Variants in HSPG2 observed in about 807,000 individuals in gnomAD.
HSPG2 encodes the protein basement membrane-specific heparan sulfate proteoglycan core protein.
HSPG2 carries 278 observed loss-of-function variants against 526.6 expected under a neutral mutation model. The observed-to-expected ratio is 0.53, with a 90% CI of 0.48 to 0.58. The LOEUF is 0.58. HSPG2 is among the 20% of genes least tolerant of loss of function. The pLI is 0.00. For missense variants in HSPG2, 5,354 were observed against 6,099.5 expected (o/e 0.88, Z 4.07); for synonymous variants, 2,465 against 2,555.4 (o/e 0.96, Z 1.07).
chr1:21,878,765 G>A, intron 18 of HSPG2, 102 bp from the exon 19 acceptor site: 3 of 1,262,908 alleles, frequency 2.4e-6, no homozygotes, highest in East Asian at 2.3e-5. Context: ...AGTGTGCCAC[G>A]AGGCATGACG....
chr1:21,826,651 A>G (rs981245305), intron 91 of HSPG2, among the ~76,000 whole-genome samples: 1 of 152,038 alleles, frequency 6.6e-6, no homozygotes, highest in Non-Finnish European at 1.5e-5. Flanking sequence ...CTGGGATTAT[A>G]GGCATGTGCC....
At position 21,846,142 on chromosome 1, in the gene HSPG2, G is replaced by A; in HGVS notation, c.8430C>T (p.Ile2810=). 1 of 1,613,094 alleles carries A rather than the reference G, an allele frequency of 6.2e-7. No homozygotes were observed. Among genetic ancestry groups the A allele is most frequent in the Non-Finnish European group, 8.5e-7 (1 of 1,180,040 alleles). ...GGACAGCACTTGAGCCAGAGGCTTC[G>A]ATGGTGACCAGGACTGAGGCCTCCA... is the stretch of plus-strand genomic sequence containing the variant. ...GPLEASVLVT[I]EASGSSAVHV... The change falls in exon 64 of 97, where the codon ATC becomes ATT. Residue 2810 remains isoleucine, a synonymous_variant. Coordinates refer to ENST00000374695, the MANE Select transcript of HSPG2 (RefSeq NM_005529.7).
chr1:21,932,767 CAAGA>C (rs1644379212), intron 1 of HSPG2, among the ~76,000 whole-genome samples: 1 of 152,114 alleles, frequency 6.6e-6, no homozygotes, highest in African/African-American at 2.4e-5. Flanking sequence ...TTCACATGCT[CAAGA>C]AACAAAGCCT....
At position 21,872,910 on chromosome 1, in the gene HSPG2, G is replaced by T; in HGVS notation, c.3888+87C>A. 1 of 1,546,646 alleles carries T rather than the reference G, an allele frequency of 6.5e-7. No individual in the cohort carries two copies. Among genetic ancestry groups the T allele is most frequent in the Non-Finnish European group, 8.9e-7 (1 of 1,119,520 alleles). ...GCCCTGCCCCCCATGCCCAGGTCTC[G>T]GCTTCCACCAGATGCTGCCTGATTT... is the stretch of plus-strand genomic sequence containing the variant. On this transcript the variant is annotated intron_variant, in intron 31 of 96. Transcript: ENST00000374695. This position sits in a 1 kb window ranked among gnomAD's most constrained non-coding sequence, Gnocchi z 5.5.
intron 1 of HSPG2, among the ~76,000 whole-genome samples, chr1:21,927,842 G>A (rs1248652420): frequency 2.0e-5 from 3 of 152,226 alleles, no homozygotes; most frequent in African/African-American, 7.2e-5. Context: ...TGCGAAAGAG[G>A]CCCAGGGAAT....
chr1:21,871,254 A>ATT (rs1345407143), intron 33 of HSPG2, among the ~76,000 whole-genome samples: 2 of 85,630 alleles, frequency 2.3e-5, no homozygotes, highest in Admixed American at 3.4e-4. Context: ...CTGGCAGAGT[A>ATT]TTTGTTTTTT....
At chr1:21,854,064 G>C in intron 50 of HSPG2, 129 bp downstream of exon 50, 4 of 1,041,094 alleles carry the variant, frequency 3.8e-6, no homozygotes, top group South Asian at 3.5e-5. Context: ...TTCTCTCTCT[G>C]AGCAGGCGCT....
In HSPG2 at chr1:21,884,989, C is replaced by T. The variant is rs377508463; in HGVS notation, c.1355+24G>A. ...GACCAGCTGCCCCTCATTCCCACCCCACCACCTGGGCCCAGAGCCGCACCT... is the reference window on the plus strand; with the variant it reads ...GACCAGCTGCCCCTCATTCCCACCCTACCACCTGGGCCCAGAGCCGCACCT... On this transcript the variant is annotated intron_variant, in intron 11 of 96. Coordinates refer to ENST00000374695, the MANE Select transcript of HSPG2 (RefSeq NM_005529.7). 3.7e-6 allele frequency: 6 copies of T among 1,613,768 alleles called. No individual in the cohort carries two copies. The African/African-American group carries it at 4.0e-5, about 11-fold the overall frequency.
At position 21,864,339 on chromosome 1, in the gene HSPG2, C is replaced by T; in HGVS notation, c.4627-126G>A. 2 of 760,024 alleles carry T rather than the reference C, an allele frequency of 2.6e-6. No homozygotes were observed. The highest frequency in any genetic ancestry group is 3.0e-5 in the South Asian group (2 of 66,242). 47.1% of individuals were successfully genotyped at this position (760,024 alleles called of 1,614,324 possible). ...TGGAACATCACAGGCCGGCGCCCCT[C>T]CTTCCCCACTTCTGCTCAGTCTGTC... On this transcript the variant is annotated intron_variant, in intron 36 of 96. Transcript: ENST00000374695. This position sits in a 1 kb window ranked among gnomAD's most constrained non-coding sequence, Gnocchi z 4.8.
Position 21,885,123 on chromosome 1 carries a change from G to A in HSPG2, c.1245C>T (p.Ser415=). 4 of 1,611,834 alleles carry A rather than the reference G, an allele frequency of 2.5e-6. No homozygotes were observed. The highest frequency in any genetic ancestry group is 3.4e-6 in the Non-Finnish European group (4 of 1,179,088). ...PPQVVTPPRE[S]IQASRGQTVT... is the part of the protein sequence containing the mutation. ...CTGTCTGGCCCCGGGAAGCCTGGAT[G>A]GACTCCCGGGGAGGTGTCACCACCT... Residue 415 remains serine, a synonymous_variant, in exon 11 of 97, where the codon TCC becomes TCT. Transcript: ENST00000374695.
In HSPG2 at chr1:21,919,704, T is replaced by G. The variant is rs1045134779; in HGVS notation, c.63+17451A>C. Among the ~76,000 whole-genome samples, 64 of 152,266 alleles carry G rather than the reference T, an allele frequency of 4.2e-4. 1 individual carries two copies. The highest frequency in any genetic ancestry group is 1.3e-3 in the African/African-American group (56 of 41,548). The stretch of plus-strand genomic sequence containing the variant: ...CTTGGAGATCTTGTCGGCGTGCAGA[T>G]TCTGAGTCAGTAGGTCCAAGGGGGC... On this transcript the variant is annotated intron_variant, in intron 1 of 96. Transcript: ENST00000374695.
chr1:21,874,933 T>C lies in HSPG2; in HGVS notation c.3372A>G (p.Glu1124=). 6 of 1,613,084 alleles carry C rather than the reference T, an allele frequency of 3.7e-6. No homozygotes were observed. Among genetic ancestry groups the C allele is most frequent in the Non-Finnish European group, 5.1e-6 (6 of 1,179,726 alleles). The change falls in exon 26 of 97, where the codon GAA becomes GAG. Residue 1124 remains glutamate (E), a synonymous_variant. Coordinates refer to ENST00000374695, the MANE Select transcript of HSPG2 (RefSeq NM_005529.7). ...ETGQDPALEV[E]QCSCPPGYRG... ...GGTACCCGGGTGGGCAGGAGCACTG[T>C]TCCACTTCCAGCGCGGGGTCCTGGC...
Position 21,895,233 on chromosome 1 carries a change from T to G in HSPG2, c.244+689A>C, listed in dbSNP as rs1642663639. 6.6e-6 allele frequency among the ~76,000 whole-genome samples: 1 copy of G among 152,074 alleles called. No individual in the cohort carries two copies. The highest frequency in any genetic ancestry group is 2.4e-5 in the African/African-American group (1 of 41,386). ...CTCCCAGAGAGGGCAGTAGGAACCATAAAGAGCCACAGGGCCTTGTCCTGG... is the reference window on the plus strand; with the variant it reads ...CTCCCAGAGAGGGCAGTAGGAACCAGAAAGAGCCACAGGGCCTTGTCCTGG... On this transcript the variant is annotated intron_variant, in intron 3 of 96. Transcript: ENST00000374695. This position sits in a 1 kb window ranked among gnomAD's most constrained non-coding sequence, Gnocchi z 4.1.
chr1:21,874,022 G>A lies in HSPG2; in HGVS notation c.3657-11C>T. On this transcript the variant is annotated splice_polypyrimidine_tract_variant and intron_variant, in intron 28 of 96. Coordinates refer to ENST00000374695, the MANE Select transcript of HSPG2 (RefSeq NM_005529.7). ...CAAGTGTGGGCAGCCCTGAGTGTGG[G>A]GGCAGATTTCTAGTCAGGAACGCAG... 6.3e-7 allele frequency: 1 copy of A among 1,592,996 alleles called. No homozygotes were observed. Among genetic ancestry groups the A allele is most frequent in the Admixed American group, 1.7e-5 (1 of 57,370 alleles).
In HSPG2 at chr1:21,855,527, C is replaced by T; in HGVS notation, c.5850G>A (p.Val1950=). ...ACCCTGAGCCCGGCCTCTCACCATG[C>T]ACGTGGAGCACAGCCCTGGCCACCT... ...GQQVARAVLH[V]HGGGGPRVQV... Residue 1950 remains valine (V), a synonymous_variant, in exon 46 of 97, where the codon GTG becomes GTA. Transcript: ENST00000374695. The T allele has an allele frequency of 3.7e-6, 6 of 1,608,824 alleles. No homozygotes were observed. The highest frequency in any genetic ancestry group is 5.1e-6 in the Non-Finnish European group (6 of 1,178,514).
Position 21,862,132 on chromosome 1 carries a change from G to A in HSPG2, c.4741-17C>T. The A allele has an allele frequency of 1.9e-6, 3 of 1,610,620 alleles. No individual in the cohort carries two copies. The highest frequency in any genetic ancestry group is 1.7e-6 in the Non-Finnish European group (2 of 1,179,948). ...CTGGCATTGCTGCAGGGCACAAGGA[G>A]GGCAGGCACCAGCCATTAGGCCAAA... On this transcript the variant is annotated splice_polypyrimidine_tract_variant and intron_variant, in intron 37 of 96. Coordinates refer to ENST00000374695, the MANE Select transcript of HSPG2 (RefSeq NM_005529.7).
At chr1:21,917,715 C>T (rs1442480423) in intron 1 of HSPG2, among the ~76,000 whole-genome samples, 1 of 152,158 alleles carries the variant, frequency 6.6e-6, no homozygotes, top group Non-Finnish European at 1.5e-5. Context: ...GAATGCTGTT[C>T]CCATGCCCTT....
chr1:21,934,726 G>C (rs769223662), intron 1 of HSPG2, among the ~76,000 whole-genome samples: 17 of 151,808 alleles, frequency 1.1e-4, no homozygotes, highest in Non-Finnish European at 2.1e-4. Context: ...CTCCGGAGTA[G>C]CTGGGACTAC....
chr1:21,906,256 G>T (rs1009702525), intron 1 of HSPG2, among the ~76,000 whole-genome samples: 19 of 152,242 alleles, frequency 1.2e-4, no homozygotes, highest in African/African-American at 4.6e-4. Flanking sequence ...GCATCCCGGA[G>T]GGGTGGGTGG....
Sources: gnomAD v4.1 joint callset for allele counts (sites outside exome capture counted in the v4.1 genomes callset) on GRCh38, gnomAD v4.1.1 for gene constraint, Gnocchi (gnomAD v3.1) non-coding constraint, MANE v1.5 for transcripts, NCBI Gene and HGNC (gene_info 2026-07-23, HGNC 2026-07-21) for gene names.